The following C8orf34 variants were observed in gnomAD, a reference collection of about 807,000 sequenced individuals.
C8orf34 encodes the protein chromosome 8 open reading frame 34, also known as uncharacterized protein C8orf34.
A neutral mutation model predicts 68.3 loss-of-function variants in C8orf34; 65 were observed. The observed-to-expected ratio is 0.95, with a 90% confidence interval of 0.78 to 1.17. The LOEUF (loss-of-function observed/expected upper bound fraction) is 1.17, where lower values mean the gene tolerates loss of function less well. Ranked by LOEUF, C8orf34 falls within the 50% of genes most tolerant of loss-of-function variation. C8orf34 has a pLI of 0.00. For synonymous variants in C8orf34, 244 were observed against 241.2 expected (o/e 1.01, Z -0.11); for missense variants, 664 against 655.4 (o/e 1.01, Z -0.14).
At chr8:68,374,346 CT>C (rs1224357013) in intron 1 of C8orf34, among the ~76,000 whole-genome samples, 2 of 152,030 alleles carry the variant, frequency 1.3e-5, no homozygotes, top group African/African-American at 4.8e-5. Context: ...GCTTTTAACC[CT>C]TCATATTCAG....
At chr8:68,358,390 G>A (rs541223844) in intron 1 of C8orf34, among the ~76,000 whole-genome samples, 4 of 151,488 alleles carry the variant, frequency 2.6e-5, no homozygotes, top group Non-Finnish European at 2.9e-5. Context: ...TTGTGTTGCC[G>A]GCTCCAGCTT....
chr8:68,642,118 C>T (rs1472311831), intron 8 of C8orf34, among the ~76,000 whole-genome samples: 3 of 152,148 alleles, frequency 2.0e-5, no homozygotes, highest in Non-Finnish European at 4.4e-5. Context: ...GAAACTCAGG[C>T]AGCATAGGTT....
At chr8:68,639,479 T>A (rs1158907039) in intron 7 of C8orf34, among the ~76,000 whole-genome samples, 1 of 152,058 alleles carries the variant, frequency 6.6e-6, no homozygotes, top group African/African-American at 2.4e-5. Context: ...TTTTTTGAGG[T>A]ATCTAGGATG....
chr8:68,710,285 G>A (rs942223174), intron 9 of C8orf34, among the ~76,000 whole-genome samples: 9 of 152,290 alleles, frequency 5.9e-5, no homozygotes, highest in South Asian at 2.1e-4. Flanking sequence ...CCTGAGATGC[G>A]AAAATTTGTG....
At chr8:68,733,029 G>T (rs751389831) in intron 10 of C8orf34, among the ~76,000 whole-genome samples, 8 of 152,022 alleles carry the variant, frequency 5.3e-5, no homozygotes, top group Non-Finnish European at 1.2e-4. Context: ...ACCCCACTGT[G>T]CTCCAGCCTG....
chr8:68,653,931 A>G (rs1819437327), intron 8 of C8orf34, among the ~76,000 whole-genome samples: 1 of 152,118 alleles, frequency 6.6e-6, no homozygotes, highest in Non-Finnish European at 1.5e-5. Flanking sequence ...ATACTCCAAA[A>G]TTATATATTA....
intron 2 of C8orf34, among the ~76,000 whole-genome samples, chr8:68,444,796 T>C (rs1206969686): frequency 6.6e-6 from 1 of 152,208 alleles, no homozygotes; most frequent in African/African-American, 2.4e-5. Context: ...AAGCAGAGAA[T>C]AAAGAAAGTC....
intron 1 of C8orf34, among the ~76,000 whole-genome samples, chr8:68,437,016 A>G (rs1810693940): frequency 6.6e-6 from 1 of 152,230 alleles, no homozygotes; most frequent in Non-Finnish European, 1.5e-5. Flanking sequence ...TGCAAATACA[A>G]TCATTTAAAA....
At chr8:68,559,692 A>G (rs1217505572) in intron 7 of C8orf34, among the ~76,000 whole-genome samples, 1 of 152,184 alleles carries the variant, frequency 6.6e-6, no homozygotes, top group East Asian at 1.9e-4. Context: ...CCTCAGCCTA[A>G]AAAATTAAAT....
At chr8:68,654,252 C>T (rs1178426366) in intron 8 of C8orf34, among the ~76,000 whole-genome samples, 2 of 152,162 alleles carry the variant, frequency 1.3e-5, no homozygotes, top group Non-Finnish European at 2.9e-5. Context: ...TTGATTTAGA[C>T]TTCCCAGCCT....
chr8:68,491,315 A>G (rs1413117775), intron 5 of C8orf34, among the ~76,000 whole-genome samples: 1 of 151,534 alleles, frequency 6.6e-6, no homozygotes, highest in Non-Finnish European at 1.5e-5. Flanking sequence ...TTCGATGACT[A>G]CTGTATTGGC....
At chr8:68,435,844 G>A (rs1003609039) in intron 1 of C8orf34, among the ~76,000 whole-genome samples, 1 of 152,166 alleles carries the variant, frequency 6.6e-6, no homozygotes, top group Non-Finnish European at 1.5e-5. Context: ...ACCGTATGAT[G>A]TAGCTACTAT....
At chr8:68,745,064 A>G (rs1016441933) in intron 10 of C8orf34, among the ~76,000 whole-genome samples, 12 of 152,150 alleles carry the variant, frequency 7.9e-5, no homozygotes, top group African/African-American at 2.9e-4. Flanking sequence ...GCCAGAAGAG[A>G]GTGGGGGCCA....
At chr8:68,476,944 C>G (rs773818015) in intron 4 of C8orf34, among the ~76,000 whole-genome samples, 2 of 152,148 alleles carry the variant, frequency 1.3e-5, no homozygotes, top group Non-Finnish European at 2.9e-5. Flanking sequence ...GGTTGTAATT[C>G]AGAGTTAGGG....
chr8:68,728,831 A>G (rs964777106), intron 10 of C8orf34, among the ~76,000 whole-genome samples: 5 of 152,196 alleles, frequency 3.3e-5, no homozygotes, highest in Non-Finnish European at 5.9e-5. Flanking sequence ...AGTATATGCA[A>G]CATTCTGTTT....
chr8:68,427,881 A>G (rs1586119687), intron 1 of C8orf34, among the ~76,000 whole-genome samples: 1 of 150,700 alleles, frequency 6.6e-6, no homozygotes, highest in Non-Finnish European at 1.5e-5. Context: ...AAATGTTTTA[A>G]AAATTTCTAA....
rs564284637 is a variant in C8orf34 at position 68,648,127 on chromosome 8, A to G, written c.1241+7616A>G. Among the ~76,000 whole-genome samples the G allele has an allele frequency of 2.0e-4, 30 of 152,262 alleles. 1 individual carries two copies. The South Asian group carries it at 5.8e-3, about 29-fold the overall frequency. On this transcript the variant is annotated intron_variant, in intron 8 of 13. Transcript: ENST00000518698. ...ATCAGGTAGATGTTTAAAATAGTCA[A>G]TGAGTGTCTTGGCTGGACTTATAGA...
chr8:68,802,433 AT>A (rs1266556457), intron 12 of C8orf34, among the ~76,000 whole-genome samples: 1 of 152,124 alleles, frequency 6.6e-6, no homozygotes, highest in Non-Finnish European at 1.5e-5. Flanking sequence ...AGTACATAGC[AT>A]TTTATTATCT....
At chr8:68,579,220 T>C (rs1816992124) in intron 7 of C8orf34, among the ~76,000 whole-genome samples, 1 of 152,058 alleles carries the variant, frequency 6.6e-6, no homozygotes, top group Admixed American at 6.6e-5. Context: ...GTGAGAGAAG[T>C]CGATATTTCT....
Sources: allele counts gnomAD v4.1 joint callset (sites outside exome capture counted in the v4.1 genomes callset), GRCh38; gene constraint gnomAD v4.1.1; transcripts MANE v1.5; gene names NCBI Gene and HGNC (gene_info 2026-07-23, HGNC 2026-07-21).